Variants in FOXC1 observed in about 807,000 individuals in gnomAD.
The protein encoded by FOXC1 is forkhead box protein C1.
In FOXC1, 5 loss-of-function variants were observed where a neutral mutation model predicts 8.1. That is an observed-to-expected ratio of 0.62 (90% CI 0.32 to 1.30). FOXC1 has a LOEUF of 1.30. Ranked by LOEUF, FOXC1 falls within the 50% of genes most tolerant of loss-of-function variation. The probability of loss-of-function intolerance (pLI) is 0.05; values close to 1 mark genes in which losing one functional copy is unlikely to be tolerated. For missense variants in FOXC1, 942 were observed against 858.0 expected, an observed-to-expected ratio of 1.10 and a Z score of -1.22; for synonymous variants, 552 against 417.2, an observed-to-expected ratio of 1.32 and a Z score of -3.94.
chr6:1,610,545 G>C lies in FOXC1; in HGVS notation c.100G>C (p.Gly34Arg). ...SYYRAAAAAA[G>R]GGYTAMPAPM... ...CTACCGCGCGGCGGCCGCGGCGGCC[G>C]GGGGCGGCTACACCGCCATGCCGGC... The change falls in exon 1 of 1, where the codon GGG becomes CGG. Residue 34 changes from glycine (G) to arginine (R), a missense_variant. Coordinates refer to ENST00000645831, the MANE Select transcript of FOXC1 (RefSeq NM_001453.3). 1 of 1,548,998 alleles carries C rather than the reference G, an allele frequency of 6.5e-7. No homozygotes were observed. Among genetic ancestry groups the C allele is most frequent in the Non-Finnish European group, 8.7e-7 (1 of 1,148,062 alleles).
In FOXC1 at chr6:1,612,058, C is replaced by T. The variant is rs1762565957; in HGVS notation, c.1613C>T (p.Ser538Phe). 6.2e-7 allele frequency: 1 copy of T among 1,613,934 alleles called. No homozygotes were observed. Among genetic ancestry groups the T allele is most frequent in the Non-Finnish European group, 8.5e-7 (1 of 1,180,030 alleles). The change falls in exon 1 of 1, where the codon TCT (serine) becomes TTT (phenylalanine). Residue 538 changes from serine to phenylalanine, a missense_variant. By Grantham distance (155) the Ser-to-Phe change is radical. Around this residue, in one of 4 missense-constraint regions of FOXC1, gnomAD observed 726 missense variants for 599.6 expected, o/e 1.21. Coordinates refer to ENST00000645831, the MANE Select transcript of FOXC1 (RefSeq NM_001453.3). ...SCQMAFPSSQ[S>F]LYRTSGAFVY... ...CAAATGGCCTTCCCTTCCAGCCAGT[C>T]TCTGTACCGCACGTCCGGAGCTTTC... is the stretch of plus-strand genomic sequence containing the variant.
rs1266733504 is a variant in FOXC1 at position 1,613,009 on chromosome 6, C to G, written c.*902C>G. ...TAGATTTATTTTCCTGCAGCATCTT[C>G]TGCAAAATGTACTATATAGTCAGCT... On this transcript the variant is annotated 3_prime_UTR_variant, in exon 1 of 1. Transcript: ENST00000645831. 1 of 227,822 alleles carries G rather than the reference C, an allele frequency of 4.4e-6. No individual in the cohort carries two copies. The highest frequency in any genetic ancestry group is 2.3e-5 in the African/African-American group (1 of 44,254). The allele number at this position is 227,822 out of a possible 1,614,324, so 14.1% of individuals were successfully genotyped here.
At position 1,613,065 on chromosome 6, in the gene FOXC1, T is replaced by C. The variant is rs549895092; in HGVS notation, c.*958T>C. On this transcript the variant is annotated 3_prime_UTR_variant, in exon 1 of 1. Coordinates refer to ENST00000645831, the MANE Select transcript of FOXC1 (RefSeq NM_001453.3). ...TGAGGCTAGTAAAAAGATATTTTTC[T>C]AAACAGATTGGAGTTGGCATATAAA... 3 of 234,908 alleles carry C rather than the reference T, an allele frequency of 1.3e-5. No individual in the cohort carries two copies. Among genetic ancestry groups the C allele is most frequent in the Non-Finnish European group, 2.7e-5 (3 of 109,956 alleles). 14.6% of individuals were successfully genotyped at this position (234,908 alleles called of 1,614,324 possible). A position where few individuals can be genotyped will look rare whatever the true frequency, so the allele number is the denominator to read the frequency against.
In FOXC1 at chr6:1,610,438, C is replaced by A. The variant is rs2113110563; in HGVS notation, c.-8C>A. ...GCGGGCGGCGCGGGGCGGCGGCGAG[C>A]GGGGGCCATGCAGGCGCGCTACTCC... is the stretch of plus-strand genomic sequence containing the variant. On this transcript the variant is annotated 5_prime_UTR_variant, in exon 1 of 1. Transcript: ENST00000645831. 2 of 1,295,780 alleles carry A rather than the reference C, an allele frequency of 1.5e-6. No homozygotes were observed. Among genetic ancestry groups the A allele is most frequent in the East Asian group, 6.3e-5 (2 of 31,660 alleles). The allele number at this position is 1,295,780 out of a possible 1,614,324, so 80.3% of individuals were successfully genotyped here. A position where few individuals can be genotyped will look rare whatever the true frequency, so the allele number is the denominator to read the frequency against.
rs1040137792 is a variant in FOXC1 at position 1,611,249 on chromosome 6, C to T, written c.804C>T (p.Ser268=). 7.0e-7 allele frequency: 1 copy of T among 1,431,072 alleles called. No individual in the cohort carries two copies. The highest frequency in any genetic ancestry group is 9.2e-7 in the Non-Finnish European group (1 of 1,092,096). The allele number at this position is 1,431,072 out of a possible 1,614,324, so 88.6% of individuals were successfully genotyped here. A position where few individuals can be genotyped will look rare whatever the true frequency, so the allele number is the denominator to read the frequency against. The change falls in exon 1 of 1, where the codon TCC becomes TCT. Residue 268 remains serine (S), a synonymous_variant. Transcript: ENST00000645831. The surrounding 1 kb of genome is among the most constrained non-coding windows in gnomAD (Gnocchi z 7.1). ...ESPDSSSSSL[S]SGSSPPGSLP... Reference sequence around the variant, plus strand: ...CCGACAGCAGCAGCAGCAGCCTGTCCAGCGGGAGCAGCCCCCCGGGCAGCC... The same window carrying T: ...CCGACAGCAGCAGCAGCAGCCTGTCTAGCGGGAGCAGCCCCCCGGGCAGCC...
rs1192019316 is a variant in FOXC1, at chr6:1,610,406, G to GGGGGCGGCGGGCGGCGC, written c.-29_-13dup. 6 of 1,154,278 alleles carry GGGGGCGGCGGGCGGCGC rather than the reference G, an allele frequency of 5.2e-6. No homozygotes were observed. The highest frequency in any genetic ancestry group is 3.3e-5 in the African/African-American group (2 of 61,014). The allele number at this position is 1,154,278 out of a possible 1,614,324, so 71.5% of individuals were successfully genotyped here. On this transcript the variant is annotated 5_prime_UTR_variant, in exon 1 of 1. Coordinates refer to ENST00000645831, the MANE Select transcript of FOXC1 (RefSeq NM_001453.3). ...GCGCGGCCCGGCCCGAGCGAGGGTG[G>GGGGGCGGCGGGCGGCGC]GGGGCGGCGGGCGGCGCGGGGCGGC...
In FOXC1 at chr6:1,612,123, G is replaced by A; in HGVS notation, c.*16G>A. The stretch of plus-strand genomic sequence containing the variant: ...CAAGTTTTGACACACCCTCAAAGCC[G>A]AACTAAATCGAACCCCAAAGCAGGA... On this transcript the variant is annotated 3_prime_UTR_variant, in exon 1 of 1. Transcript: ENST00000645831. 1 of 1,613,176 alleles carries A rather than the reference G, an allele frequency of 6.2e-7. No individual in the cohort carries two copies.
In FOXC1 at chr6:1,610,570, C is replaced by A; in HGVS notation, c.125C>A (p.Ala42Asp). Residue 42 changes from alanine to aspartate, a missense_variant, in exon 1 of 1, where the codon GCC (alanine) becomes GAC (aspartate). Around this residue, in one of 4 missense-constraint regions of FOXC1, gnomAD observed 190 missense variants for 176.8 expected, o/e 1.07. Coordinates refer to ENST00000645831, the MANE Select transcript of FOXC1 (RefSeq NM_001453.3). ...AAGGGYTAMP[A>D]PMSVYSHPAH... Reference sequence around the variant, plus strand: ...GGGGGCGGCTACACCGCCATGCCGGCCCCCATGAGCGTGTACTCGCACCCT... The same window carrying A: ...GGGGGCGGCTACACCGCCATGCCGGACCCCATGAGCGTGTACTCGCACCCT... The A allele has an allele frequency of 6.3e-7, 1 of 1,580,642 alleles. No homozygotes were observed. Among genetic ancestry groups the A allele is most frequent in the Non-Finnish European group, 8.6e-7 (1 of 1,164,630 alleles).
Position 1,610,333 on chromosome 6 carries a change from C to A in FOXC1, c.-113C>A. On this transcript the variant is annotated 5_prime_UTR_variant, in exon 1 of 1. Coordinates refer to ENST00000645831, the MANE Select transcript of FOXC1 (RefSeq NM_001453.3). ...GCAGCCGGACGCACAGCGCAGCGGG[C>A]CGGCACCAGCTCGGCCGGGCCCGGA... The A allele has an allele frequency of 2.0e-6, 1 of 502,354 alleles. No homozygotes were observed. Among genetic ancestry groups the A allele is most frequent in the Non-Finnish European group, 2.6e-6 (1 of 390,356 alleles). The allele number at this position is 502,354 out of a possible 1,614,324, so 31.1% of individuals were successfully genotyped here.
rs1435366877 is a variant in FOXC1, at chr6:1,611,021, G to A, written c.576G>A (p.Lys192=). 7 of 1,585,364 alleles carry A rather than the reference G, an allele frequency of 4.4e-6. No individual in the cohort carries two copies. The highest frequency in any genetic ancestry group is 1.4e-5 in the African/African-American group (1 of 73,976). The part of the protein sequence containing the change: ...DKEEKDRLHL[K]EPPPPGRQPP... Reference sequence around the variant, plus strand: ...AGGAGAAGGACAGGCTGCACCTCAAGGAGCCGCCCCCGCCCGGCCGCCAGC... The same window carrying A: ...AGGAGAAGGACAGGCTGCACCTCAAAGAGCCGCCCCCGCCCGGCCGCCAGC... Residue 192 remains lysine (K), a synonymous_variant, in exon 1 of 1, where the codon AAG becomes AAA. Coordinates refer to ENST00000645831, the MANE Select transcript of FOXC1 (RefSeq NM_001453.3). This position sits in a 1 kb window ranked among gnomAD's most constrained non-coding sequence, Gnocchi z 7.1.
chr6:1,611,366 C>G lies in FOXC1; in HGVS notation c.921C>G (p.Gly307=). ...CCCCGCCGCCGCACCATAGCCAGGG[C>G]TTCAGCGTGGACAACATCATGACGT... ...PSAPPPHHSQ[G]FSVDNIMTSL... The change falls in exon 1 of 1, where the codon GGC becomes GGG. Residue 307 remains glycine, a synonymous_variant. Coordinates refer to ENST00000645831, the MANE Select transcript of FOXC1 (RefSeq NM_001453.3). This position sits in a 1 kb window ranked among gnomAD's most constrained non-coding sequence, Gnocchi z 7.1. 6.9e-7 allele frequency: 1 copy of G among 1,443,250 alleles called. No homozygotes were observed. The highest frequency in any genetic ancestry group is 1.3e-5 in the South Asian group (1 of 76,380). The allele number at this position is 1,443,250 out of a possible 1,614,324, so 89.4% of individuals were successfully genotyped here. A position where few individuals can be genotyped will look rare whatever the true frequency, so the allele number is the denominator to read the frequency against.
chr6:1,611,652 T>C lies in FOXC1; in HGVS notation c.1207T>C (p.Tyr403His), dbSNP rs949297601. 12 of 1,367,874 alleles carry C rather than the reference T, an allele frequency of 8.8e-6. No homozygotes were observed. The highest frequency in any genetic ancestry group is 1.6e-5 in the African/African-American group (1 of 62,484). 84.7% of individuals were successfully genotyped at this position (1,367,874 alleles called of 1,614,324 possible). Residue 403 changes from tyrosine (Y) to histidine (H), a missense_variant, in exon 1 of 1, where the codon TAC becomes CAC. By Grantham distance (83) the Tyr-to-His change is moderately conservative (BLOSUM62 2). This residue lies in a region of FOXC1 where 726 missense variants were observed against 599.6 expected (regional missense o/e 1.21). Coordinates refer to ENST00000645831, the MANE Select transcript of FOXC1 (RefSeq NM_001453.3). This position sits in a 1 kb window ranked among gnomAD's most constrained non-coding sequence, Gnocchi z 7.1. Reference sequence around the variant, plus strand: ...CTGCAACCTGCAAGCCATGAGCCTGTACGCGGCCGGCGAGCGCGGGGGCCA... The same window carrying C: ...CTGCAACCTGCAAGCCATGAGCCTGCACGCGGCCGGCGAGCGCGGGGGCCA... ...YHCNLQAMSLYAAGERGGHLQ... is the reference protein window; with the variant it reads ...YHCNLQAMSLHAAGERGGHLQ...
chr6:1,609,995 G>C lies in FOXC1; in HGVS notation c.-451G>C, dbSNP rs1581373036. On this transcript the variant is annotated 5_prime_UTR_variant, in exon 1 of 1. Coordinates refer to ENST00000645831, the MANE Select transcript of FOXC1 (RefSeq NM_001453.3). ...ACCGAGAAAAGGTGACGCGGGGCCC[G>C]GGCAGGCGGCCGGCGCGCGGCCCCC... The C allele has an allele frequency of 2.6e-5, 4 of 151,900 alleles. No individual in the cohort carries two copies. In the South Asian group the frequency reaches 6.3e-4, roughly 24 times the overall value. The allele number at this position is 151,900 out of a possible 1,614,324, so 9.4% of individuals were successfully genotyped here.
chr6:1,611,320 C>CGT lies in FOXC1; in HGVS notation c.876_877insTG (p.Pro293CysfsTer23). On this transcript the variant is annotated frameshift_variant, in exon 1 of 1. Transcript: ENST00000645831. LOFTEE classifies it low-confidence loss of function (END_TRUNC). The surrounding 1 kb of genome is among the most constrained non-coding windows in gnomAD (Gnocchi z 7.1). ...AGCCTGGACGGTGCGGATTCCGCGC[C>CGT]GCCGCCGCCCGCGCCCTCCGCCCCG... 1 of 1,411,270 alleles carries CGT rather than the reference C, an allele frequency of 7.1e-7. No individual in the cohort carries two copies. Among genetic ancestry groups the CGT allele is most frequent in the Non-Finnish European group, 9.2e-7 (1 of 1,081,366 alleles). The allele number at this position is 1,411,270 out of a possible 1,614,324, so 87.4% of individuals were successfully genotyped here.
In FOXC1 at chr6:1,610,081, A is replaced by C. The variant is rs1394544305; in HGVS notation, c.-365A>C. On this transcript the variant is annotated 5_prime_UTR_variant, in exon 1 of 1. Transcript: ENST00000645831. The stretch of plus-strand genomic sequence containing the variant: ...GGCAGCTCAGGGCAGAGTCTCCTGG[A>C]AGGCGCAGGCAGTGTGGCGAGAAGG... The C allele has an allele frequency of 7.8e-6, 1 of 128,186 alleles. No homozygotes were observed. The highest frequency in any genetic ancestry group is 1.6e-5 in the Non-Finnish European group (1 of 63,970). The allele number at this position is 128,186 out of a possible 1,614,324, so 7.9% of individuals were successfully genotyped here.
chr6:1,612,528 T>C lies in FOXC1; in HGVS notation c.*421T>C, dbSNP rs981696683. On this transcript the variant is annotated 3_prime_UTR_variant, in exon 1 of 1. Coordinates refer to ENST00000645831, the MANE Select transcript of FOXC1 (RefSeq NM_001453.3). ...CTGTAAGATATTATTTTATCCTATG[T>C]TGAAGGGAGGGGGAAAGTCCCCGTT... 11 of 277,332 alleles carry C rather than the reference T, an allele frequency of 4.0e-5. No individual in the cohort carries two copies. Among genetic ancestry groups the C allele is most frequent in the Non-Finnish European group, 8.1e-5 (11 of 136,642 alleles). 17.2% of individuals were successfully genotyped at this position (277,332 alleles called of 1,614,324 possible). A position where few individuals can be genotyped will look rare whatever the true frequency, so the allele number is the denominator to read the frequency against.
Position 1,612,749 on chromosome 6 carries a change from T to G in FOXC1, c.*642T>G, listed in dbSNP as rs549100468. 1.8e-4 allele frequency: 38 copies of G among 214,110 alleles called. No homozygotes were observed. Among genetic ancestry groups the G allele is most frequent in the Non-Finnish European group, 3.5e-4 (34 of 96,836 alleles). The allele number at this position is 214,110 out of a possible 1,614,324, so 13.3% of individuals were successfully genotyped here. On this transcript the variant is annotated 3_prime_UTR_variant, in exon 1 of 1. Transcript: ENST00000645831. ...AAAAAGGGAAACTGTATTAATCTTA[T>G]TCTATCCTCTTTTCTTTCTTTTTGT...
Position 1,611,564 on chromosome 6 carries a change from C to T in FOXC1, c.1119C>T (p.Ser373=). Reference sequence around the variant, plus strand: ...GCAGCCAGACCTCCAGCGCGGGCAGCTCGGGCGGCGGCGGCGGCGGCGCGG... The same window carrying T: ...GCAGCCAGACCTCCAGCGCGGGCAGTTCGGGCGGCGGCGGCGGCGGCGCGG... The part of the protein sequence containing the change: ...SPCSQTSSAG[S]SGGGGGGAGA... Residue 373 remains serine (S), a synonymous_variant, in exon 1 of 1, where the codon AGC becomes AGT. Coordinates refer to ENST00000645831, the MANE Select transcript of FOXC1 (RefSeq NM_001453.3). The surrounding 1 kb of genome is among the most constrained non-coding windows in gnomAD (Gnocchi z 7.1). 1.7e-6 allele frequency: 2 copies of T among 1,184,474 alleles called. No homozygotes were observed. Among genetic ancestry groups the T allele is most frequent in the Non-Finnish European group, 2.1e-6 (2 of 959,840 alleles). The allele number at this position is 1,184,474 out of a possible 1,614,324, so 73.4% of individuals were successfully genotyped here. A position where few individuals can be genotyped will look rare whatever the true frequency, so the allele number is the denominator to read the frequency against.
Position 1,612,251 on chromosome 6 carries a change from C to A in FOXC1, c.*144C>A. 1.5e-6 allele frequency: 2 copies of A among 1,320,348 alleles called. No individual in the cohort carries two copies. Among genetic ancestry groups the A allele is most frequent in the Non-Finnish European group, 2.1e-6 (2 of 960,248 alleles). 81.8% of individuals were successfully genotyped at this position (1,320,348 alleles called of 1,614,324 possible). ...CACCACACCAGCGAACAGAATATCC[C>A]TCCAAAAATTCAGCTCACCAGCACC... On this transcript the variant is annotated 3_prime_UTR_variant, in exon 1 of 1. Coordinates refer to ENST00000645831, the MANE Select transcript of FOXC1 (RefSeq NM_001453.3).
Sources: gnomAD v4.1 joint callset for allele counts on GRCh38, gnomAD v4.1.1 for gene constraint, gnomAD v4.1.1 regional missense constraint, Gnocchi (gnomAD v3.1) non-coding constraint, MANE v1.5 for transcripts, NCBI Gene and HGNC (gene_info 2026-07-23, HGNC 2026-07-21) for gene names.